NR3C2: variants seen among roughly 807,000 people sequenced by gnomAD.
NR3C2 encodes the protein mineralocorticoid receptor.
NR3C2 carries 15 observed loss-of-function variants against 86.4 expected under a neutral mutation model. The ratio of observed to expected loss-of-function variants is 0.17; its 90% confidence interval spans 0.12 to 0.27. NR3C2 has a LOEUF of 0.27. NR3C2 is among the 10% of genes least tolerant of loss of function. The pLI is 1.00. For synonymous variants in NR3C2, 458 were observed against 450.5 expected (o/e 1.02, Z -0.21); for missense variants, 960 against 1,195.6 (o/e 0.80, Z 2.91).
intron 2 of NR3C2, among the ~76,000 whole-genome samples, chr4:148,300,958 C>T (rs1033632175): frequency 1.6e-4 from 24 of 152,164 alleles, no homozygotes; most frequent in African/African-American, 5.5e-4. Flanking sequence ...AGAAAAGGTA[C>T]CACAGTTTCC....
chr4:148,134,565 T>C (rs4835128), intron 6 of NR3C2, among the ~76,000 whole-genome samples: 72,952 of 149,102 alleles, frequency 0.49, 18,357 homozygotes, highest in East Asian at 0.71. Context: ...TTTTTTGTGT[T>C]CATTGCTTAG....
chr4:148,405,527 T>G (rs1377760712), intron 2 of NR3C2, among the ~76,000 whole-genome samples: 3 of 152,172 alleles, frequency 2.0e-5, no homozygotes, highest in Admixed American at 2.0e-4. Flanking sequence ...TGAAAAAAAT[T>G]CCACTGCAAC....
intron 2 of NR3C2, among the ~76,000 whole-genome samples, chr4:148,350,805 G>T (rs1181511628): frequency 1.3e-5 from 2 of 152,022 alleles, no homozygotes; most frequent in Admixed American, 1.3e-4. Context: ...AAGTTTTATT[G>T]TTCAATAAAT....
In NR3C2 at chr4:148,318,335, T is replaced by C. The variant is rs182399208; in HGVS notation, c.1758-58218A>G. On this transcript the variant is annotated intron_variant, in intron 2 of 8. Transcript: ENST00000358102. ...ATTGTGAATAATGCCGCAATAAACA[T>C]ATGTGTCCATGTGTCTTTATAGCAG... Among the ~76,000 whole-genome samples, 244 of 152,114 alleles carry C rather than the reference T, an allele frequency of 1.6e-3. 1 individual carries two copies. Among genetic ancestry groups the C allele is most frequent in the African/African-American group, 5.5e-3 (226 of 41,426 alleles).
intron 2 of NR3C2, among the ~76,000 whole-genome samples, chr4:148,389,651 T>C (rs1747439267): frequency 6.6e-6 from 1 of 152,196 alleles, no homozygotes; most frequent in Non-Finnish European, 1.5e-5. Context: ...AGAATCTGTG[T>C]AGAATTTAAA....
chr4:148,194,196 T>C (rs931539653), intron 4 of NR3C2, among the ~76,000 whole-genome samples: 2 of 152,234 alleles, frequency 1.3e-5, no homozygotes, highest in Non-Finnish European at 2.9e-5. Flanking sequence ...CAGATTAACT[T>C]AGGGAAAATT....
At chr4:148,437,559 T>C (rs1364319056) in intron 1 of NR3C2, among the ~76,000 whole-genome samples, 2 of 152,358 alleles carry the variant, frequency 1.3e-5, no homozygotes, top group Non-Finnish European at 2.9e-5. Context: ...AGAAGGGCTG[T>C]ATGACAATTC....
At chr4:148,126,611 A>T (rs544818751) in intron 6 of NR3C2, among the ~76,000 whole-genome samples, 64 of 152,346 alleles carry the variant, frequency 4.2e-4, no homozygotes, top group African/African-American at 1.4e-3. Flanking sequence ...CACACAGATT[A>T]AAGATTAAAG....
chr4:148,353,518 A>C (rs1234843464), intron 2 of NR3C2, among the ~76,000 whole-genome samples: 1 of 152,160 alleles, frequency 6.6e-6, no homozygotes, highest in African/African-American at 2.4e-5. Context: ...CCGCAAATGC[A>C]AGTGGTTACT....
At chr4:148,131,567 C>T (rs61764571) in intron 6 of NR3C2, among the ~76,000 whole-genome samples, 43 of 152,234 alleles carry the variant, frequency 2.8e-4, no homozygotes, top group Non-Finnish European at 5.0e-4. Context: ...TGTAGAAGGA[C>T]CATTTTGCTA....
chr4:148,229,732 C>T (rs1477206394), intron 3 of NR3C2, among the ~76,000 whole-genome samples: 2 of 152,170 alleles, frequency 1.3e-5, no homozygotes, highest in African/African-American at 4.8e-5. Context: ...CCAAATGTCA[C>T]CTCTGGCCAA....
chr4:148,317,058 G>A (rs902027576), intron 2 of NR3C2, among the ~76,000 whole-genome samples: 1 of 152,172 alleles, frequency 6.6e-6, no homozygotes, highest in African/African-American at 2.4e-5. Flanking sequence ...CACCCAAAGT[G>A]CTGGGATTAC....
At chr4:148,109,796 A>G (rs908130520) in intron 8 of NR3C2, among the ~76,000 whole-genome samples, 1 of 152,240 alleles carries the variant, frequency 6.6e-6, no homozygotes, top group African/African-American at 2.4e-5. Context: ...CTAAGTGTGT[A>G]TACTGACATA....
At chr4:148,133,021 G>T (rs35749628) in intron 6 of NR3C2, among the ~76,000 whole-genome samples, 3 of 152,040 alleles carry the variant, frequency 2.0e-5, no homozygotes, top group African/African-American at 7.2e-5. Context: ...CAACATAGTA[G>T]GACTCCGTCT....
At chr4:148,209,123 A>G (rs1381051923) in intron 3 of NR3C2, among the ~76,000 whole-genome samples, 1 of 152,088 alleles carries the variant, frequency 6.6e-6, no homozygotes, top group Non-Finnish European at 1.5e-5. Flanking sequence ...ATGCACCTGC[A>G]ATCCCAGCTA....
At chr4:148,110,980 AATC>A (rs1041898311) in intron 8 of NR3C2, among the ~76,000 whole-genome samples, 1 of 152,194 alleles carries the variant, frequency 6.6e-6, no homozygotes, top group African/African-American at 2.4e-5. Context: ...TACAGAAAAC[AATC>A]ATCAACTGGA....
intron 2 of NR3C2, among the ~76,000 whole-genome samples, chr4:148,370,608 T>C (rs948485879): frequency 2.0e-5 from 3 of 152,162 alleles, no homozygotes; most frequent in African/African-American, 7.2e-5. Context: ...TCAGGAGTTT[T>C]GGTTGGAGTT....
Position 148,418,801 on chromosome 4 carries a change from T to A in NR3C2, c.1757+16303A>T, listed in dbSNP as rs1696244178. 2.0e-5 allele frequency among the ~76,000 whole-genome samples: 3 copies of A among 152,216 alleles called. No homozygotes were observed. The South Asian group carries it at 6.2e-4, about 31-fold the overall frequency. On this transcript the variant is annotated intron_variant, in intron 2 of 8. Coordinates refer to ENST00000358102, the MANE Select transcript of NR3C2 (RefSeq NM_000901.5). ...GGAAGGACTGTTAGTGTCACTATTT[T>A]ACAGAGGTGGAAGGAAACTCATTCT... is the stretch of plus-strand genomic sequence containing the variant.
intron 2 of NR3C2, among the ~76,000 whole-genome samples, chr4:148,294,141 T>C (rs147253613): frequency 1.5e-4 from 23 of 152,176 alleles, no homozygotes; most frequent in Admixed American, 5.9e-4. Context: ...TAGGTTCGAA[T>C]TGCATTTTTT....
Sources: allele counts gnomAD v4.1 joint callset (sites outside exome capture counted in the v4.1 genomes callset), GRCh38; gene constraint gnomAD v4.1.1; transcripts MANE v1.5; gene names NCBI Gene and HGNC (gene_info 2026-07-23, HGNC 2026-07-21).